The following LURAP1L variants were observed in gnomAD, a reference collection of about 807,000 sequenced individuals.
LURAP1L encodes leucine rich adaptor protein 1-like.
In LURAP1L, 12 loss-of-function variants were observed where a neutral mutation model predicts 13.8. The ratio of observed to expected loss-of-function variants is 0.87; its 90% CI spans 0.56 to 1.41. The LOEUF is 1.41. Ranked by LOEUF, LURAP1L falls within the 40% of genes most tolerant of loss-of-function variation. The probability of loss-of-function intolerance (pLI) is 0.00; values close to 1 mark genes in which losing one functional copy is unlikely to be tolerated. For missense variants in LURAP1L, 375 were observed against 292.9 expected (o/e 1.28, Z -2.04); for synonymous variants, 139 against 119.2 (o/e 1.17, Z -1.08).
chr9:12,821,550 C>G lies in LURAP1L; in HGVS notation c.477C>G (p.Ser159=). The G allele has an allele frequency of 6.2e-7, 1 of 1,614,138 alleles. No homozygotes were observed. Residue 159 remains serine (S), a synonymous_variant, in exon 2 of 2, where the codon TCC becomes TCG. Transcript: ENST00000319264. ...GTTTGTTGGAGAGTCAGAGCACCTC[C>G]TTACGTGGCAGCTACAACAGCCTAC... ...LCSLLESQST[S]LRGSYNSLHD... is the part of the protein sequence containing the mutation.
intron 1 of LURAP1L, among the ~76,000 whole-genome samples, chr9:12,804,300 A>G (rs187624217): frequency 1.2e-4 from 18 of 151,618 alleles, no homozygotes; most frequent in Admixed American, 1.1e-3. Flanking sequence ...CATTTGCATC[A>G]GTTCTAATAA....
In LURAP1L at chr9:12,775,963, G is replaced by T; in HGVS notation, c.248G>T (p.Arg83Leu). The change falls in exon 1 of 2, where the codon CGA becomes CTA. Residue 83 changes from arginine to leucine, a missense_variant. Coordinates refer to ENST00000319264, the MANE Select transcript of LURAP1L (RefSeq NM_203403.2). ...TCCTCCCCAACCTCTGGCTCCCCACGAGGTAGCCACTCTAGCGCCCTGGAG... is the reference window on the plus strand; with the variant it reads ...TCCTCCCCAACCTCTGGCTCCCCACTAGGTAGCCACTCTAGCGCCCTGGAG... ...SSSSPTSGSP[R>L]GSHSSALERL... 6.3e-7 allele frequency: 1 copy of T among 1,598,338 alleles called. No individual in the cohort carries two copies. The highest frequency in any genetic ancestry group is 8.5e-7 in the Non-Finnish European group (1 of 1,172,522).
chr9:12,782,123 AGTT>A (rs1406234557), intron 1 of LURAP1L, among the ~76,000 whole-genome samples: 1 of 152,054 alleles, frequency 6.6e-6, no homozygotes, highest in East Asian at 1.9e-4. Flanking sequence ...TTTCCTACTG[AGTT>A]GTTTGAGCTA....
chr9:12,800,745 C>T (rs1005664823), intron 1 of LURAP1L, among the ~76,000 whole-genome samples: 4 of 152,164 alleles, frequency 2.6e-5, no homozygotes, highest in Non-Finnish European at 5.9e-5. Flanking sequence ...TTCCTGAGGC[C>T]TCCTCAGAAG....
intron 1 of LURAP1L, among the ~76,000 whole-genome samples, chr9:12,819,536 A>C (rs1310904846): frequency 6.6e-6 from 1 of 152,228 alleles, no homozygotes; most frequent in Admixed American, 6.5e-5. Flanking sequence ...TCATCCAAGA[A>C]TGAATGTCTG....
chr9:12,783,065 C>T (rs1819294586), intron 1 of LURAP1L, among the ~76,000 whole-genome samples: 1 of 151,276 alleles, frequency 6.6e-6, no homozygotes, highest in Admixed American at 6.6e-5. Context: ...AATTTTGTAT[C>T]CTACAACTTT....
chr9:12,797,006 G>T (rs1035656994), intron 1 of LURAP1L, among the ~76,000 whole-genome samples: 10 of 151,938 alleles, frequency 6.6e-5, no homozygotes, highest in Admixed American at 6.6e-4. Flanking sequence ...AGAAGTTATT[G>T]TTTATGCTAT....
In LURAP1L at chr9:12,782,094, A is replaced by T. The variant is rs564143785; in HGVS notation, c.312+6067A>T. Among the ~76,000 whole-genome samples, 673 of 152,230 alleles carry T rather than the reference A, an allele frequency of 4.4e-3. 8 individuals carry two copies. Among genetic ancestry groups the T allele is most frequent in the Middle Eastern group, 0.041 (12 of 294 alleles). ...TATTCAGATCTTTTGTCTATTTTTT[A>T]ATCAGATTATTAGACATTTTTCCTA... is the stretch of plus-strand genomic sequence containing the variant. On this transcript the variant is annotated intron_variant, in intron 1 of 1. Coordinates refer to ENST00000319264, the MANE Select transcript of LURAP1L (RefSeq NM_203403.2).
intron 1 of LURAP1L, among the ~76,000 whole-genome samples, chr9:12,802,328 G>T (rs558198629): frequency 6.6e-6 from 1 of 152,208 alleles, no homozygotes; most frequent in Non-Finnish European, 1.5e-5. Context: ...CTGGTGGGAG[G>T]GGATAGAATC....
intron 1 of LURAP1L, among the ~76,000 whole-genome samples, chr9:12,797,765 T>C (rs920625063): frequency 6.6e-6 from 1 of 152,194 alleles, no homozygotes; most frequent in Non-Finnish European, 1.5e-5. Flanking sequence ...AGAGCTTTTT[T>C]AACAAATTCA....
chr9:12,817,965 C>T (rs761794617), intron 1 of LURAP1L, among the ~76,000 whole-genome samples: 37 of 151,972 alleles, frequency 2.4e-4, no homozygotes, highest in East Asian at 1.9e-4. Context: ...ACGTGCCCAG[C>T]GCTCCCACGG....
chr9:12,804,832 G>A (rs929086341), intron 1 of LURAP1L, among the ~76,000 whole-genome samples: 1 of 152,158 alleles, frequency 6.6e-6, no homozygotes, highest in African/African-American at 2.4e-5. Context: ...TAACCAGGAA[G>A]TACCTTTTTT....
chr9:12,813,072 G>A (rs771414828), intron 1 of LURAP1L, among the ~76,000 whole-genome samples: 1 of 152,070 alleles, frequency 6.6e-6, no homozygotes, highest in Non-Finnish European at 1.5e-5. Flanking sequence ...GGGGTAAAAT[G>A]CAAGTCTCTA....
chr9:12,801,430 G>A (rs999229027), intron 1 of LURAP1L, among the ~76,000 whole-genome samples: 2 of 151,946 alleles, frequency 1.3e-5, no homozygotes, highest in African/African-American at 4.8e-5. Flanking sequence ...GGAGCTCCAG[G>A]CTATGTATAT....
chr9:12,787,717 A>G (rs1819376783), intron 1 of LURAP1L, among the ~76,000 whole-genome samples: 1 of 152,198 alleles, frequency 6.6e-6, no homozygotes, highest in African/African-American at 2.4e-5. Context: ...CTCAAAAGAC[A>G]ATTCCATAAT....
chr9:12,777,501 A>G, intron 1 of LURAP1L: 3 of 984,500 alleles, frequency 3.0e-6, no homozygotes, highest in Non-Finnish European at 3.6e-6. Flanking sequence ...TTTTATTCCT[A>G]ACCATGTCTT....
chr9:12,785,979 C>G (rs1819344881), intron 1 of LURAP1L, among the ~76,000 whole-genome samples: 1 of 152,056 alleles, frequency 6.6e-6, no homozygotes, highest in Non-Finnish European at 1.5e-5. Context: ...ATGTCTTTGC[C>G]TGCATATATT....
chr9:12,788,184 AAAG>A (rs796467219), intron 1 of LURAP1L, among the ~76,000 whole-genome samples: 2 of 147,600 alleles, frequency 1.4e-5, no homozygotes, highest in South Asian at 4.4e-4. Context: ...AGAAAGAAAG[AAAG>A]AAAGAAAAGA....
intron 1 of LURAP1L, among the ~76,000 whole-genome samples, chr9:12,810,001 A>G (rs1167582304): frequency 2.0e-5 from 3 of 152,186 alleles, no homozygotes; most frequent in Admixed American, 1.3e-4. Context: ...ATTAAGTCTC[A>G]GTCTTTTAGC....
Sources: gnomAD v4.1 joint callset for allele counts (sites outside exome capture counted in the v4.1 genomes callset) on GRCh38, gnomAD v4.1.1 for gene constraint, MANE v1.5 for transcripts, NCBI Gene and HGNC (gene_info 2026-07-23, HGNC 2026-07-21) for gene names.